Variants in NPRL3 observed in about 807,000 individuals in gnomAD.
NPRL3 encodes the protein NPR3 like, GATOR1 complex subunit.
A neutral mutation model predicts 57.2 loss-of-function variants in NPRL3; 23 were observed. The ratio of observed to expected loss-of-function variants is 0.40; its 90% CI spans 0.29 to 0.57. The LOEUF is 0.57. Ranked by LOEUF, NPRL3 falls within the 20% of genes least tolerant of loss-of-function variation. NPRL3 has a pLI of 0.42. For missense variants in NPRL3, 691 were observed against 767.1 expected (o/e 0.90, Z 1.17); for synonymous variants, 333 against 321.1 (o/e 1.04, Z -0.39).
At chr16:102,018 A>G (rs1899320555) in intron 7 of NPRL3, among the ~76,000 whole-genome samples, 1 of 152,170 alleles carries the variant, frequency 6.6e-6, no homozygotes, top group Admixed American at 6.5e-5. Flanking sequence ...TCAGGCACAT[A>G]GGCACGGAGC....
chr16:112,887 A>C (rs2141950610), intron 5 of NPRL3, 112 bp from the exon 6 acceptor site: 5 of 1,055,972 alleles, frequency 4.7e-6, no homozygotes, highest in African/African-American at 1.6e-5. Context: ...CATGAAAGAA[A>C]GCGTCTCTAC....
At chr16:124,166 C>A (rs1358306648) in intron 3 of NPRL3, among the ~76,000 whole-genome samples, 2 of 152,136 alleles carry the variant, frequency 1.3e-5, no homozygotes, top group African/African-American at 4.8e-5. Context: ...CACACGCTCC[C>A]CACGCTCAAC....
intron 7 of NPRL3, among the ~76,000 whole-genome samples, chr16:105,723 C>A (rs1325197011): frequency 2.6e-5 from 4 of 152,202 alleles, no homozygotes. Context: ...TCCGTCGACC[C>A]CTAGCGGATG....
rs78586365 is a variant in NPRL3, at chr16:138,049, G to A, written c.118+101C>T. ...ACTCTACAACGAGCAGATCTCGAAT[G>A]CCCAGCAAAAGCTAAGCTCCGCGAG... On this transcript the variant is annotated intron_variant, in intron 2 of 13. Coordinates refer to ENST00000611875, the MANE Select transcript of NPRL3 (RefSeq NM_001077350.3). The A allele has an allele frequency of 3.3e-3, 2,618 of 795,228 alleles. 49 individuals carry two copies. In the African/African-American group the frequency reaches 0.039, roughly 12 times the overall value. 49.3% of individuals were successfully genotyped at this position (795,228 alleles called of 1,614,324 possible).
At chr16:109,550 C>G (rs1211212766) in intron 7 of NPRL3, among the ~76,000 whole-genome samples, 1 of 152,176 alleles carries the variant, frequency 6.6e-6, no homozygotes, top group Non-Finnish European at 1.5e-5. Flanking sequence ...TTTAAAAACA[C>G]TTTCGGACTC....
chr16:89,730 A>G lies in NPRL3; in HGVS notation c.1334T>C (p.Leu445Pro), dbSNP rs1898675576. 6.3e-7 allele frequency: 1 copy of G among 1,582,290 alleles called. No homozygotes were observed. The highest frequency in any genetic ancestry group is 1.8e-5 in the Admixed American group (1 of 55,684). The change falls in exon 12 of 14, where the codon CTC becomes CCC. Residue 445 changes from leucine to proline, a missense_variant. Physicochemically the swap from Leu to Pro is moderately conservative, Grantham distance 98. Coordinates refer to ENST00000611875, the MANE Select transcript of NPRL3 (RefSeq NM_001077350.3). ...GGTCCTACTTGGGGAGCCAAAGCTG[A>G]GGGCGTTGGGCGTGCTGAGGCTGCG... is the stretch of plus-strand genomic sequence containing the variant. ...GGRSLSTPNA[L>P]SFGSPTSSDD...
At chr16:124,886 G>A (rs144399923) in intron 3 of NPRL3, 2,054 of 152,392 alleles carry the variant, frequency 0.013, 41 homozygotes, top group African/African-American at 0.046. Context: ...AGACCAGCCT[G>A]GCCAACATGG....
At chr16:112,807 C>A in intron 5 of NPRL3, 32 bp from the exon 6 acceptor site, 2 of 1,544,484 alleles carry the variant, frequency 1.3e-6, no homozygotes, top group Admixed American at 1.8e-5. Flanking sequence ...CAGACTCAAA[C>A]GTGTGCACAG....
chr16:129,586 G>A (rs1250268586), intron 3 of NPRL3, among the ~76,000 whole-genome samples: 16 of 152,168 alleles, frequency 1.1e-4, no homozygotes, highest in Non-Finnish European at 2.4e-4. Flanking sequence ...GGAGGCCAAG[G>A]AAGGAAAATC....
chr16:104,989 G>A (rs1443280301), intron 7 of NPRL3, among the ~76,000 whole-genome samples: 1 of 152,184 alleles, frequency 6.6e-6, no homozygotes, highest in Non-Finnish European at 1.5e-5. Context: ...CAGGGTTTGG[G>A]CCCTGAAAGG....
intron 5 of NPRL3, 54 bp from the exon 6 acceptor site, chr16:112,829 G>A: frequency 1.3e-6 from 2 of 1,483,796 alleles, no homozygotes; most frequent in South Asian, 1.3e-5. Context: ...GACACAGCTG[G>A]ACACAGTTTA....
intron 11 of NPRL3, among the ~76,000 whole-genome samples, chr16:91,713 C>A (rs1158502759): frequency 6.6e-6 from 1 of 152,180 alleles, no homozygotes; most frequent in Non-Finnish European, 1.5e-5. Context: ...CGTTCTCATT[C>A]GTAATTTGAG....
chr16:124,234 G>A (rs1900414918), intron 3 of NPRL3, among the ~76,000 whole-genome samples: 1 of 152,206 alleles, frequency 6.6e-6, no homozygotes, highest in South Asian at 2.1e-4. Context: ...TACAGGCTGG[G>A]CAGGAACAAA....
chr16:88,219 C>G (rs1040448100), intron 13 of NPRL3, among the ~76,000 whole-genome samples: 1 of 152,160 alleles, frequency 6.6e-6, no homozygotes, highest in Non-Finnish European at 1.5e-5. Flanking sequence ...AGGGTGAGAA[C>G]TTGGCACTTA....
intron 9 of NPRL3, among the ~76,000 whole-genome samples, chr16:95,325 G>GTGTATATATATA (rs761991763): frequency 4.9e-5 from 5 of 102,222 alleles, no homozygotes; most frequent in African/African-American, 1.4e-4. Context: ...GTTTGTGTGT[G>GTGTATATATATA]TATATATATA....
chr16:86,440 C>A lies in NPRL3; in HGVS notation c.*265G>T. On this transcript the variant is annotated 3_prime_UTR_variant, in exon 14 of 14. Transcript: ENST00000611875. ...CCAGAGACAGGAGTCCTGGCAGGCC[C>A]CCCTCCAGCGTGGAGATGCCTACGC... 2 of 457,668 alleles carry A rather than the reference C, an allele frequency of 4.4e-6. No individual in the cohort carries two copies. Among genetic ancestry groups the A allele is most frequent in the South Asian group, 6.5e-5 (2 of 30,966 alleles). 28.4% of individuals were successfully genotyped at this position (457,668 alleles called of 1,614,324 possible). A position where few individuals can be genotyped will look rare whatever the true frequency, so the allele number is the denominator to read the frequency against.
rs1393822175 is a variant in NPRL3, at chr16:112,690, C to G, written c.479G>C (p.Cys160Ser). The G allele has an allele frequency of 1.2e-6, 2 of 1,610,452 alleles. No homozygotes were observed. The highest frequency in any genetic ancestry group is 1.7e-6 in the Non-Finnish European group (2 of 1,178,380). The part of the protein sequence containing the change: ...ATVLQHEERR[C>S]QYLTREAKLI... ...CTTGGCCTCCCGGGTGAGGTACTGGCAGCGGCGCTCCTCGTGCTGCAGCAC... is the reference window on the plus strand; with the variant it reads ...CTTGGCCTCCCGGGTGAGGTACTGGGAGCGGCGCTCCTCGTGCTGCAGCAC... Residue 160 changes from cysteine to serine, a missense_variant, in exon 6 of 14, where the codon TGC (cysteine) becomes TCC (serine). Cys to Ser is a moderately radical substitution (Grantham distance 112). Transcript: ENST00000611875.
chr16:96,674 T>TAAAAAAA (rs1555440762), intron 9 of NPRL3, among the ~76,000 whole-genome samples: 1 of 139,654 alleles, frequency 7.2e-6, no homozygotes. Context: ...AAAAAAATAT[T>TAAAAAAA]AGCCAGGCGC....
chr16:90,056 G>C, intron 11 of NPRL3, 154 bp from the exon 12 acceptor site: 1 of 710,710 alleles, frequency 1.4e-6, no homozygotes, highest in Non-Finnish European at 2.2e-6. Flanking sequence ...GCCCCCAGCT[G>C]CCAGCCAGCT....
Sources: gnomAD v4.1 joint callset for allele counts (sites outside exome capture counted in the v4.1 genomes callset) on GRCh38, gnomAD v4.1.1 for gene constraint, MANE v1.5 for transcripts, NCBI Gene and HGNC (gene_info 2026-07-23, HGNC 2026-07-21) for gene names.